HDGFL3: variants seen among roughly 807,000 people sequenced by gnomAD.
The protein encoded by HDGFL3 is hepatoma-derived growth factor-related protein 3.
A neutral mutation model predicts 27.6 loss-of-function variants in HDGFL3; 6 were observed. The observed-to-expected ratio is 0.22, with a 90% CI of 0.12 to 0.43. The LOEUF (loss-of-function observed/expected upper bound fraction) is 0.43. Ranked by LOEUF, HDGFL3 falls within the 20% of genes least tolerant of loss-of-function variation. HDGFL3 has a pLI of 1.00. For missense variants in HDGFL3, 207 were observed against 250.1 expected (o/e 0.83, Z 1.16); for synonymous variants, 88 against 88.9 (o/e 0.99, Z 0.05).
chr15:83,115,724 A>G, exon 4 of HDGFL3: 1 of 760,172 alleles, frequency 1.3e-6, no homozygotes, highest in Non-Finnish European at 2.3e-6. Flanking sequence ...CTATCTCGAT[A>G]ATTGTCCACA....
At chr15:83,167,619 C>T (rs966065050) in intron 1 of HDGFL3, among the ~76,000 whole-genome samples, 1 of 150,376 alleles carries the variant, frequency 6.6e-6, no homozygotes, top group South Asian at 2.1e-4. Context: ...TTCAACTCAA[C>T]AAGAAGGTTT....
At position 83,130,731 on chromosome 15, in the gene HDGFL3, C is replaced by A. The variant is rs963294252; in HGVS notation, c.*8539G>T. 1 of 152,200 alleles carries A rather than the reference C, an allele frequency of 6.6e-6. No individual in the cohort carries two copies. Among genetic ancestry groups the A allele is most frequent in the African/African-American group, 2.4e-5 (1 of 41,452 alleles). 9.4% of individuals were successfully genotyped at this position (152,200 alleles called of 1,614,324 possible). On this transcript the variant is annotated 3_prime_UTR_variant, in exon 6 of 6. Coordinates refer to ENST00000299633, the MANE Select transcript of HDGFL3 (RefSeq NM_016073.4). ...ACTGAATTACGTTATTTGTTTTGTACTTAGCAAATACTCGCTTATGAAATG... is the reference window on the plus strand; with the variant it reads ...ACTGAATTACGTTATTTGTTTTGTAATTAGCAAATACTCGCTTATGAAATG...
At position 83,134,926 on chromosome 15, in the gene HDGFL3, G is replaced by C. The variant is rs1272919263; in HGVS notation, c.*4344C>G. On this transcript the variant is annotated 3_prime_UTR_variant, in exon 6 of 6. Transcript: ENST00000299633. Reference sequence around the variant, plus strand: ...GAAAGCACCTCCTCAGGGCAGCCCTGAAAGTGCCCTTTACTCTCAAGGCAT... The same window carrying C: ...GAAAGCACCTCCTCAGGGCAGCCCTCAAAGTGCCCTTTACTCTCAAGGCAT... The C allele has an allele frequency of 6.6e-6, 1 of 152,244 alleles. No individual in the cohort carries two copies. The highest frequency in any genetic ancestry group is 2.4e-5 in the African/African-American group (1 of 41,460). 9.4% of individuals were successfully genotyped at this position (152,244 alleles called of 1,614,324 possible). A position where few individuals can be genotyped will look rare whatever the true frequency, so the allele number is the denominator to read the frequency against.
downstream of HDGFL3, among the ~76,000 whole-genome samples, chr15:83,127,199 AT>A: frequency 6.6e-6 from 1 of 151,604 alleles, no homozygotes; most frequent in South Asian, 2.1e-4. Flanking sequence ...ACCTAAAAAA[AT>A]AAATAAATAA....
chr15:83,150,449 A>T (rs1195230284), intron 5 of HDGFL3, among the ~76,000 whole-genome samples: 1 of 152,208 alleles, frequency 6.6e-6, no homozygotes, highest in African/African-American at 2.4e-5. Context: ...AATCAGAATC[A>T]TAATACTTTG....
At chr15:83,148,150 C>T (rs1279679276) in intron 5 of HDGFL3, among the ~76,000 whole-genome samples, 1 of 152,198 alleles carries the variant, frequency 6.6e-6, no homozygotes, top group African/African-American at 2.4e-5. Context: ...CTCTTCCACA[C>T]CTCTGGTGAG....
intron 4 of HDGFL3, among the ~76,000 whole-genome samples, chr15:83,151,681 G>A (rs1304579171): frequency 6.6e-6 from 1 of 152,168 alleles, no homozygotes; most frequent in African/African-American, 2.4e-5. Context: ...AATACAGCTG[G>A]ATGGACACCA....
At chr15:83,167,602 T>C (rs2037187862) in intron 1 of HDGFL3, among the ~76,000 whole-genome samples, 1 of 150,294 alleles carries the variant, frequency 6.7e-6, no homozygotes, top group South Asian at 2.1e-4. Context: ...CAGTACATCA[T>C]GAAGAATTCA....
chr15:83,178,482 C>G (rs1054280012), intron 1 of HDGFL3, among the ~76,000 whole-genome samples: 2 of 152,112 alleles, frequency 1.3e-5, no homozygotes, highest in Non-Finnish European at 2.9e-5. Flanking sequence ...CCGGGCAACA[C>G]AGGCAGACCC....
chr15:83,119,937 A>C (rs2035064277), intron 3 of HDGFL3: 1 of 391,320 alleles, frequency 2.6e-6, no homozygotes, highest in African/African-American at 2.0e-5. Context: ...TCTTACAAGA[A>C]TAATTTTTAT....
chr15:83,167,510 A>C (rs1195234544), intron 1 of HDGFL3, among the ~76,000 whole-genome samples: 1 of 151,708 alleles, frequency 6.6e-6, no homozygotes, highest in Non-Finnish European at 1.5e-5. Context: ...GTCAGCCAAG[A>C]CTGCACCACT....
At chr15:83,194,715 C>T (rs925162561) in intron 1 of HDGFL3, among the ~76,000 whole-genome samples, 10 of 152,144 alleles carry the variant, frequency 6.6e-5, no homozygotes, top group African/African-American at 2.4e-4. Context: ...CCTTTCACTT[C>T]CTCCTGGCAT....
intron 5 of HDGFL3, among the ~76,000 whole-genome samples, chr15:83,140,515 T>A (rs1292139507): frequency 7.3e-6 from 1 of 137,100 alleles, no homozygotes; most frequent in East Asian, 2.2e-4. Context: ...AGAGTCTCGC[T>A]CTGTCACCTA....
intron 1 of HDGFL3, among the ~76,000 whole-genome samples, chr15:83,181,437 T>C (rs2037380145): frequency 6.6e-6 from 1 of 152,152 alleles, no homozygotes; most frequent in South Asian, 2.1e-4. Flanking sequence ...CGATTTATGA[T>C]CTTCATTTAA....
downstream of HDGFL3, among the ~76,000 whole-genome samples, chr15:83,123,325 GAGATCCAGGCCCAT>G (rs2151367136): frequency 6.6e-6 from 1 of 152,248 alleles, no homozygotes; most frequent in African/African-American, 2.4e-5. Flanking sequence ...CTTGACTCCA[GAGATCCAGGCCCAT>G]AGAGACTGGC....
At chr15:83,126,917 G>A, downstream of HDGFL3, 5 of 1,268,992 alleles carry the variant, frequency 3.9e-6, no homozygotes, top group Admixed American at 1.8e-5. Flanking sequence ...TCCCAGCTGG[G>A]TGCGGTGGCT....
intron 1 of HDGFL3, among the ~76,000 whole-genome samples, chr15:83,180,643 A>ATTTTT (rs34952033): frequency 7.9e-6 from 1 of 126,374 alleles, no homozygotes; most frequent in Non-Finnish European, 1.6e-5. Flanking sequence ...TAACTTATCA[A>ATTTTT]TTTTTTTTTT....
At position 83,207,216 on chromosome 15, in the gene HDGFL3, C is replaced by A. The variant is rs907263629; in HGVS notation, c.84+115G>T. 4 of 701,502 alleles carry A rather than the reference C, an allele frequency of 5.7e-6. No homozygotes were observed. The highest frequency in any genetic ancestry group is 1.9e-5 in the African/African-American group (1 of 53,860). 43.5% of individuals were successfully genotyped at this position (701,502 alleles called of 1,614,324 possible). The stretch of plus-strand genomic sequence containing the variant: ...GCCGCGCCGCCCTCAGCCCTCACCA[C>A]AGCCGGCCGCGAGCTGCGGGCTCGG... On this transcript the variant is annotated intron_variant, in intron 1 of 5. Transcript: ENST00000299633. The surrounding 1 kb of genome is among the most constrained non-coding windows in gnomAD (Gnocchi z 4.8).
intron 4 of HDGFL3, among the ~76,000 whole-genome samples, chr15:83,153,616 T>A (rs2151400209): frequency 6.6e-6 from 1 of 152,318 alleles, no homozygotes; most frequent in East Asian, 1.9e-4. Context: ...AAATTGGTTA[T>A]GTGTTTGATT....
Sources: gnomAD v4.1 joint callset for allele counts (sites outside exome capture counted in the v4.1 genomes callset) on GRCh38, gnomAD v4.1.1 for gene constraint, Gnocchi (gnomAD v3.1) non-coding constraint, MANE v1.5 for transcripts, NCBI Gene and HGNC (gene_info 2026-07-23, HGNC 2026-07-21) for gene names.